The following NRXN1 variants were observed in gnomAD, a reference collection of about 807,000 sequenced individuals.
The protein encoded by NRXN1 is neurexin-1.
NRXN1 carries 39 observed loss-of-function variants against 150.9 expected under a neutral mutation model. That is an observed-to-expected ratio of 0.26 (90% CI 0.20 to 0.34). The LOEUF is 0.34. NRXN1 is among the 10% of genes least tolerant of loss of function. NRXN1 has a pLI of 1.00. For missense variants in NRXN1, 1,815 were observed against 1,949.9 expected (o/e 0.93, Z 1.30); for synonymous variants, 924 against 757.0 (o/e 1.22, Z -3.62).
intron 5 of NRXN1, among the ~76,000 whole-genome samples, chr2:50,710,935 G>A (rs552075406): frequency 6.6e-6 from 1 of 152,144 alleles, no homozygotes; most frequent in African/African-American, 2.4e-5. Flanking sequence ...TTACAACCAG[G>A]TGCAGTAAAA....
At position 50,552,760 on chromosome 2, in the gene NRXN1, T is replaced by C. The variant is rs1450576920; in HGVS notation, c.1586A>G (p.Asp529Gly). ...FSHGKPRHQK[D>G]AKHPQMIKVD... ...CTTTATCATCTGTGGGTGCTTGGCA[T>C]CTTTCTGATGTCTTGGCTTGCCATG... The change falls in exon 9 of 23, where the codon GAT (aspartate) becomes GGT (glycine). Residue 529 changes from aspartate to glycine, a missense_variant. By Grantham distance (94) the Asp-to-Gly change is moderately conservative. This residue lies in a region of NRXN1 where 638 missense variants were observed against 652.6 expected (regional missense o/e 0.98). Transcript: ENST00000401669. 4.3e-6 allele frequency: 7 copies of C among 1,613,882 alleles called. No homozygotes were observed. The highest frequency in any genetic ancestry group is 1.1e-5 in the South Asian group (1 of 91,090).
At chr2:50,763,451 T>C (rs1702042659) in intron 5 of NRXN1, among the ~76,000 whole-genome samples, 1 of 152,004 alleles carries the variant, frequency 6.6e-6, no homozygotes, top group African/African-American at 2.4e-5. Context: ...GCTTAATTAA[T>C]GCCTAATACT....
At chr2:50,489,998 C>A (rs543375307) in intron 15 of NRXN1, among the ~76,000 whole-genome samples, 7 of 152,194 alleles carry the variant, frequency 4.6e-5, no homozygotes, top group Non-Finnish European at 7.3e-5. Flanking sequence ...GAGACAAATT[C>A]TGCAAAACCC....
chr2:50,735,704 T>G (rs542980305), intron 5 of NRXN1, among the ~76,000 whole-genome samples: 1 of 152,244 alleles, frequency 6.6e-6, no homozygotes, highest in South Asian at 2.1e-4. Context: ...CATACCCAAA[T>G]GGCTCACAAA....
chr2:50,970,232 A>G (rs1575087554), intron 2 of NRXN1, among the ~76,000 whole-genome samples: 1 of 152,006 alleles, frequency 6.6e-6, no homozygotes, highest in East Asian at 1.9e-4. Context: ...TGCCTTGGGG[A>G]AGAGGGATTA....
intron 5 of NRXN1, among the ~76,000 whole-genome samples, chr2:50,711,421 C>T (rs1386573445): frequency 2.6e-5 from 4 of 151,086 alleles, no homozygotes; most frequent in East Asian, 2.0e-4. Flanking sequence ...CTGCAACCTC[C>T]GCCTCCCAGG....
At chr2:50,116,092 A>G (rs1703023596) in intron 18 of NRXN1, among the ~76,000 whole-genome samples, 1 of 152,106 alleles carries the variant, frequency 6.6e-6, no homozygotes, top group African/African-American at 2.4e-5. Flanking sequence ...AAATTTTAAT[A>G]CAAGGCAAAC....
chr2:50,596,863 C>CTTTTT (rs3053104), intron 8 of NRXN1, among the ~76,000 whole-genome samples: 61 of 92,152 alleles, frequency 6.6e-4, no homozygotes, highest in Non-Finnish European at 9.4e-4. Flanking sequence ...ATTCCTAGGA[C>CTTTTT]TTTTTTTTTT....
At chr2:49,936,289 CTG>C (rs892931187) in intron 22 of NRXN1, among the ~76,000 whole-genome samples, 3 of 152,170 alleles carry the variant, frequency 2.0e-5, no homozygotes, top group African/African-American at 7.2e-5. Flanking sequence ...CCTAAAGAGA[CTG>C]TGCTGATTTT....
intron 21 of NRXN1, among the ~76,000 whole-genome samples, chr2:49,987,516 T>A (rs1312778919): frequency 6.6e-6 from 1 of 152,170 alleles, no homozygotes; most frequent in South Asian, 2.1e-4. Context: ...AAACCTTAGG[T>A]ATCACTTTAC....
At chr2:50,870,041 CAATAAT>C (rs577038498) in intron 5 of NRXN1, among the ~76,000 whole-genome samples, 17 of 151,840 alleles carry the variant, frequency 1.1e-4, no homozygotes. Flanking sequence ...TCTAGGTACT[CAATAAT>C]AATATTGTAA....
chr2:50,729,954 TGA>T (rs1559178535), intron 5 of NRXN1, among the ~76,000 whole-genome samples: 1 of 152,212 alleles, frequency 6.6e-6, no homozygotes, highest in African/African-American at 2.4e-5. Context: ...TGCTTCTGAG[TGA>T]GAGAGATTTC....
rs1279633980 is a variant in NRXN1, at chr2:50,223,220, C to G, written c.3546+13569G>C. ...AAAAAAAAGTTAAATAATATAAATA[C>G]AGTCTACTGAGAAGGACAAAGTTAA... On this transcript the variant is annotated intron_variant, in intron 18 of 22. Coordinates refer to ENST00000401669, the MANE Select transcript of NRXN1 (RefSeq NM_001330078.2). Among the ~76,000 whole-genome samples, 3 of 151,908 alleles carry G rather than the reference C, an allele frequency of 2.0e-5. No individual in the cohort carries two copies. In the East Asian group the frequency reaches 5.8e-4, roughly 30 times the overall value.
At chr2:50,711,511 T>C (rs1047973115) in intron 5 of NRXN1, among the ~76,000 whole-genome samples, 13 of 151,970 alleles carry the variant, frequency 8.6e-5, no homozygotes, top group Admixed American at 3.9e-4. Context: ...AATTTATGTA[T>C]TTTTAGTAGA....
Position 50,329,799 on chromosome 2 carries a change from G to GAGT in NRXN1, c.3365-92832_3365-92830dup, listed in dbSNP as rs2076715890. 2.7e-5 allele frequency among the ~76,000 whole-genome samples: 4 copies of GAGT among 149,258 alleles called. No individual in the cohort carries two copies. The South Asian group carries it at 8.6e-4, about 32-fold the overall frequency. ...AATGATTCTCCAGCCTCAGTCTCCCGAGTAGCTAGGAATATAGGCATGTGC... is the reference window on the plus strand; with the variant it reads ...AATGATTCTCCAGCCTCAGTCTCCCGAGTAGTAGCTAGGAATATAGGCATGTGC... On this transcript the variant is annotated intron_variant, in intron 17 of 22. Transcript: ENST00000401669.
intron 5 of NRXN1, among the ~76,000 whole-genome samples, chr2:50,637,326 C>T (rs922714099): frequency 9.2e-5 from 14 of 152,108 alleles, no homozygotes; most frequent in Non-Finnish European, 1.8e-4. Context: ...ATCCCAGATT[C>T]CCTATCTGGT....
intron 5 of NRXN1, among the ~76,000 whole-genome samples, chr2:50,677,614 A>C (rs1015401098): frequency 7.2e-5 from 11 of 151,988 alleles, no homozygotes; most frequent in African/African-American, 2.7e-4. Flanking sequence ...TTTTACCTCA[A>C]CTGGCTGAGA....
chr2:50,585,895 G>GTCA (rs1673021596), intron 8 of NRXN1, among the ~76,000 whole-genome samples: 1 of 152,146 alleles, frequency 6.6e-6, no homozygotes, highest in Non-Finnish European at 1.5e-5. Flanking sequence ...CCTAAGAGGG[G>GTCA]TCACTGAGTT....
chr2:50,486,892 A>C (rs950005673), intron 15 of NRXN1, among the ~76,000 whole-genome samples: 3 of 152,190 alleles, frequency 2.0e-5, no homozygotes, highest in African/African-American at 7.2e-5. Flanking sequence ...GCATCAAAGA[A>C]TACACTGGCA....
Sources: gnomAD v4.1 joint callset for allele counts (sites outside exome capture counted in the v4.1 genomes callset) on GRCh38, gnomAD v4.1.1 for gene constraint, gnomAD v4.1.1 regional missense constraint, MANE v1.5 for transcripts, NCBI Gene and HGNC (gene_info 2026-07-23, HGNC 2026-07-21) for gene names.